RGPD4: variants seen among roughly 807,000 people sequenced by gnomAD.
RGPD4 encodes ranBP2-like and GRIP domain-containing protein 4.
Under a neutral mutation model 141.1 loss-of-function variants are expected in RGPD4, and 84 were observed. The ratio of observed to expected loss-of-function variants is 0.60; its 90% CI spans 0.50 to 0.71. The LOEUF (loss-of-function observed/expected upper bound fraction) is 0.71, where lower values mean the gene tolerates loss of function less well. RGPD4 is among the 30% of genes least tolerant of loss of function. The pLI, the probability that RGPD4 is intolerant of heterozygous loss-of-function variation, is 0.00. For synonymous variants in RGPD4, 298 were observed against 566.8 expected, an observed-to-expected ratio of 0.53 and a Z score of 6.74; for missense variants, 918 against 1,622.4, an observed-to-expected ratio of 0.57 and a Z score of 7.46.
At position 107,858,121 on chromosome 2, in the gene RGPD4, A is replaced by G. The variant is rs1470405596; in HGVS notation, c.1277-993A>G. Among the ~76,000 whole-genome samples the G allele has an allele frequency of 5.3e-5, 8 of 151,990 alleles. No individual in the cohort carries two copies. The East Asian group carries it at 9.6e-4, about 18-fold the overall frequency. ...CATAGTCTCTGTATTAAAACTATAA[A>G]TATCACTTTTATTGGCAATATAATC... On this transcript the variant is annotated intron_variant, in intron 9 of 22. Coordinates refer to ENST00000408999, the MANE Select transcript of RGPD4 (RefSeq NM_182588.3).
chr2:107,863,636 G>T (rs1238491340), intron 17 of RGPD4, among the ~76,000 whole-genome samples: 1 of 151,280 alleles, frequency 6.6e-6, no homozygotes, highest in Non-Finnish European at 1.5e-5. Flanking sequence ...GGGATTACAG[G>T]CACCCGCCAC....
At chr2:107,852,412 G>C (rs2104439943) in intron 7 of RGPD4, among the ~76,000 whole-genome samples, 1 of 148,218 alleles carries the variant, frequency 6.7e-6, no homozygotes, top group Admixed American at 6.7e-5. Flanking sequence ...TCAACATTTT[G>C]TTTCTTATTT....
chr2:107,891,282 G>A lies in RGPD4; in HGVS notation c.*551G>A, dbSNP rs1295498782. Among the ~76,000 whole-genome samples, 22 of 133,130 alleles carry A rather than the reference G, an allele frequency of 1.7e-4. No homozygotes were observed. Among genetic ancestry groups the A allele is most frequent in the African/African-American group, 5.3e-4 (17 of 32,122 alleles). 87.3% of individuals were successfully genotyped at this position (133,130 alleles called of 152,430 possible). On this transcript the variant is annotated 3_prime_UTR_variant, in exon 23 of 23. Coordinates refer to ENST00000408999, the MANE Select transcript of RGPD4 (RefSeq NM_182588.3). ...TGATTGTACCACTGCACTCCAGCTC[G>A]GGGAACAGAGCGAGACCTTGTCTCT...
In RGPD4 at chr2:107,881,593, G is replaced by A. The variant is rs1006033766; in HGVS notation, c.5065-1079G>A. Among the ~76,000 whole-genome samples, 37 of 151,168 alleles carry A rather than the reference G, an allele frequency of 2.4e-4. 2 individuals carry two copies. The highest frequency in any genetic ancestry group is 8.3e-4 in the African/African-American group (34 of 40,800). On this transcript the variant is annotated intron_variant, in intron 21 of 22. Transcript: ENST00000408999. ...AGCCTCCCAAAGTGTTGGGATTACA[G>A]GCATGAGCCACCACGCCTGGCCAAA...
At chr2:107,875,496 A>G (rs1683062923) in intron 20 of RGPD4, among the ~76,000 whole-genome samples, 1 of 140,432 alleles carries the variant, frequency 7.1e-6, no homozygotes, top group Non-Finnish European at 1.5e-5. Flanking sequence ...CCCTGTCACC[A>G]GTTGGTATAC....
rs1294840104 is a variant in RGPD4 at position 107,833,018 on chromosome 2, A to G, written c.73-3584A>G. ...CCTTTTGAGAGATTTCCTTACCCTT[A>G]TGTTCCAGGGGAAGAAGATTGGGGA... is the stretch of plus-strand genomic sequence containing the variant. On this transcript the variant is annotated intron_variant, in intron 1 of 22. Coordinates refer to ENST00000408999, the MANE Select transcript of RGPD4 (RefSeq NM_182588.3). Among the ~76,000 whole-genome samples, 4 of 149,974 alleles carry G rather than the reference A, an allele frequency of 2.7e-5. No individual in the cohort carries two copies. The South Asian group carries it at 8.6e-4, about 32-fold the overall frequency.
chr2:107,851,207 G>A (rs832008), intron 7 of RGPD4, among the ~76,000 whole-genome samples: 2,080 of 53,288 alleles, frequency 0.039, 240 homozygotes, highest in Non-Finnish European at 0.048. Flanking sequence ...CCTGGGCTCA[G>A]GTGATCCTCT....
intron 22 of RGPD4, chr2:107,883,252 C>A: frequency 1.1e-5 from 5 of 437,404 alleles, no homozygotes; most frequent in Admixed American, 9.9e-5. Context: ...TCCTCCAACC[C>A]CAAATAGCCT....
At chr2:107,835,532 T>G (rs1450937378) in intron 1 of RGPD4, among the ~76,000 whole-genome samples, 1 of 151,366 alleles carries the variant, frequency 6.6e-6, no homozygotes, top group East Asian at 2.0e-4. Flanking sequence ...CATGTACTAT[T>G]GAGGCACAGG....
Position 107,891,344 on chromosome 2 carries a change from CTATT to C in RGPD4, c.*618_*621del. On this transcript the variant is annotated 3_prime_UTR_variant, in exon 23 of 23. Coordinates refer to ENST00000408999, the MANE Select transcript of RGPD4 (RefSeq NM_182588.3). ...TAGTAATAAAAATAACATTTTATGACTATTTATTGCAAGGTCAGATTTACAGATT... is the reference window on the plus strand; with the variant it reads ...TAGTAATAAAAATAACATTTTATGACTATTGCAAGGTCAGATTTACAGATT... 9.8e-6 allele frequency among the ~76,000 whole-genome samples: 1 copy of C among 102,058 alleles called. No homozygotes were observed. The highest frequency in any genetic ancestry group is 4.3e-5 in the African/African-American group (1 of 23,452). 67.0% of individuals were successfully genotyped at this position (102,058 alleles called of 152,430 possible). A position where few individuals can be genotyped will look rare whatever the true frequency, so the allele number is the denominator to read the frequency against.
At chr2:107,882,627 C>T (rs1410752890) in intron 21 of RGPD4, 45 bp from the exon 22 acceptor site, 19 of 1,540,190 alleles carry the variant, frequency 1.2e-5, no homozygotes, top group East Asian at 1.1e-4. Flanking sequence ...CATATTTAAT[C>T]AGAAGCTCCT....
intron 21 of RGPD4, among the ~76,000 whole-genome samples, chr2:107,880,731 T>C (rs889406652): frequency 6.8e-6 from 1 of 148,130 alleles, no homozygotes; most frequent in African/African-American, 2.5e-5. Flanking sequence ...ACCAGTGAAT[T>C]TAAATTATTC....
chr2:107,862,746 A>G lies in RGPD4; in HGVS notation c.2270A>G (p.Tyr757Cys). 6.1e-6 allele frequency: 5 copies of G among 823,032 alleles called. 2 individuals carry two copies. Among genetic ancestry groups the G allele is most frequent in the Non-Finnish European group, 8.6e-6 (5 of 579,584 alleles). 51.0% of individuals were successfully genotyped at this position (823,032 alleles called of 1,614,324 possible). Reference sequence around the variant, plus strand: ...TCAGTCATGCAGGAACTCGAAAACTATAGTGAAGGAGATCCTCTCTATAAA... The same window carrying G: ...TCAGTCATGCAGGAACTCGAAAACTGTAGTGAAGGAGATCCTCTCTATAAA... Reference protein sequence around the residue: ...LKSVMQELENYSEGDPLYKNG... With the variant: ...LKSVMQELENCSEGDPLYKNG... Residue 757 changes from tyrosine to cysteine, a missense_variant, in exon 16 of 23, where the codon TAT (tyrosine) becomes TGT (cysteine). Coordinates refer to ENST00000408999, the MANE Select transcript of RGPD4 (RefSeq NM_182588.3).
At chr2:107,884,300 C>T (rs1320569146) in intron 22 of RGPD4, among the ~76,000 whole-genome samples, 1 of 152,156 alleles carries the variant, frequency 6.6e-6, no homozygotes, top group African/African-American at 2.4e-5. Context: ...CGAGGTTTCA[C>T]CATGTTGGCC....
intron 1 of RGPD4, among the ~76,000 whole-genome samples, chr2:107,829,742 G>T (rs1056563892): frequency 1.3e-5 from 2 of 152,092 alleles, no homozygotes; most frequent in Non-Finnish European, 2.9e-5. Flanking sequence ...CTCCCGGCTT[G>T]TTCCCGACGC....
At chr2:107,875,654 T>G (rs1441826908) in intron 20 of RGPD4, among the ~76,000 whole-genome samples, 1 of 140,936 alleles carries the variant, frequency 7.1e-6, no homozygotes. Context: ...GGGGATGGGT[T>G]GTTTTCAGCC....
At position 107,827,085 on chromosome 2, in the gene RGPD4, G is replaced by A. The variant is rs1159854632; in HGVS notation, c.72G>A (p.Lys24=). ...SVQGSAPSPR[K]KSTRGFYFAK... ...AGGGCTCCGCCCCGTCGCCTCGAAA[G>A]GTGAGTGGATCTCGAAGAGACCGAC... The change falls in exon 1 of 23, where the codon AAG becomes AAA. Residue 24 remains lysine, a splice_region_variant and synonymous_variant. Coordinates refer to ENST00000408999, the MANE Select transcript of RGPD4 (RefSeq NM_182588.3). The A allele has an allele frequency of 1.9e-6, 3 of 1,590,074 alleles. No homozygotes were observed. The highest frequency in any genetic ancestry group is 2.6e-6 in the Non-Finnish European group (3 of 1,169,708).
At chr2:107,888,829 G>A (rs948255429) in intron 22 of RGPD4, among the ~76,000 whole-genome samples, 1 of 142,810 alleles carries the variant, frequency 7.0e-6, no homozygotes, top group African/African-American at 2.8e-5. Flanking sequence ...AAGTTTGGAA[G>A]TAGATTCTCC....
chr2:107,844,572 AAG>A (rs1344431564), intron 6 of RGPD4, among the ~76,000 whole-genome samples: 1 of 149,584 alleles, frequency 6.7e-6, no homozygotes, highest in Non-Finnish European at 1.5e-5. Context: ...GGTATAAGGA[AAG>A]AAGTTCATTT....
Sources: gnomAD v4.1 joint callset for allele counts (sites outside exome capture counted in the v4.1 genomes callset) on GRCh38, gnomAD v4.1.1 for gene constraint, MANE v1.5 for transcripts, NCBI Gene and HGNC (gene_info 2026-07-23, HGNC 2026-07-21) for gene names.